DAB1: variants seen among roughly 807,000 people sequenced by gnomAD.
DAB1 encodes DAB adaptor protein 1.
A neutral mutation model predicts 64.6 loss-of-function variants in DAB1; 15 were observed. The observed-to-expected ratio is 0.23, with a 90% CI of 0.16 to 0.36. The LOEUF (loss-of-function observed/expected upper bound fraction) is 0.36, where lower values mean the gene tolerates loss of function less well. Among genes scored for constraint, DAB1 ranks in the 10% least tolerant of loss-of-function variants. The pLI is 1.00. For synonymous variants in DAB1, 235 were observed against 251.9 expected (o/e 0.93, Z 0.64); for missense variants, 596 against 706.7 (o/e 0.84, Z 1.78).
Position 58,127,775 on chromosome 1 carries a change from T to C in DAB1, n.387+22736A>G, listed in dbSNP as rs553107883. Among the ~76,000 whole-genome samples, 233 of 150,578 alleles carry C rather than the reference T, an allele frequency of 1.5e-3. 3 individuals are homozygous for C. The highest frequency in any genetic ancestry group is 5.5e-3 in the African/African-American group (223 of 40,688). Reference sequence around the variant, plus strand: ...GTCAAAGATCACATAGTTGTAGATATGCGGTGTTATTTCTGAGGGCTCTGT... The same window carrying C: ...GTCAAAGATCACATAGTTGTAGATACGCGGTGTTATTTCTGAGGGCTCTGT... On this transcript the variant is annotated intron_variant and non_coding_transcript_variant, in intron 5 of 20. Transcript: ENST00000485760.
chr1:58,480,413 C>G (rs1645461866), intron 3 of DAB1, among the ~76,000 whole-genome samples: 1 of 152,182 alleles, frequency 6.6e-6, no homozygotes, highest in Non-Finnish European at 1.5e-5. Flanking sequence ...GAACCACAAA[C>G]TGTACTTCTT....
chr1:58,372,687 C>A (rs191909239), intron 3 of DAB1, among the ~76,000 whole-genome samples: 270 of 152,284 alleles, frequency 1.8e-3, no homozygotes, highest in African/African-American at 6.4e-3. Flanking sequence ...GAGGGAGGAA[C>A]CTGGTGTGGG....
At chr1:57,447,593 G>T (rs193228285) in intron 7 of DAB1, among the ~76,000 whole-genome samples, 83 of 152,294 alleles carry the variant, frequency 5.4e-4, no homozygotes, top group South Asian at 1.9e-3. Flanking sequence ...AATTCCCAGA[G>T]AAAAATATTA....
At chr1:58,509,120 G>A (rs1646034037) in intron 2 of DAB1, among the ~76,000 whole-genome samples, 1 of 152,060 alleles carries the variant, frequency 6.6e-6, no homozygotes, top group Admixed American at 6.6e-5. Flanking sequence ...AGAGGTTGCT[G>A]TTTTTTCCTA....
chr1:58,365,459 G>T (rs1353652653), intron 3 of DAB1, among the ~76,000 whole-genome samples: 4 of 152,176 alleles, frequency 2.6e-5, no homozygotes, highest in Non-Finnish European at 5.9e-5. Context: ...TCCTTATGGG[G>T]CTTCATGTGT....
At chr1:58,369,929 G>A (rs184144469) in intron 3 of DAB1, among the ~76,000 whole-genome samples, 269 of 152,248 alleles carry the variant, frequency 1.8e-3, no homozygotes, top group African/African-American at 6.4e-3. Flanking sequence ...AAAAAATATG[G>A]GAAAACAGGT....
At chr1:58,393,412 G>A (rs1027985493) in intron 3 of DAB1, among the ~76,000 whole-genome samples, 1 of 152,146 alleles carries the variant, frequency 6.6e-6, no homozygotes, top group Non-Finnish European at 1.5e-5. Context: ...TAGGCATTAC[G>A]CTAAGAGTTT....
At chr1:58,436,865 C>G (rs998139021) in intron 3 of DAB1, among the ~76,000 whole-genome samples, 4 of 152,212 alleles carry the variant, frequency 2.6e-5, no homozygotes, top group Non-Finnish European at 5.9e-5. Context: ...ATACCCTAGT[C>G]AGACCAGAGG....
chr1:57,190,714 G>GCAC (rs994939331), intron 2 of DAB1, among the ~76,000 whole-genome samples: 5 of 151,936 alleles, frequency 3.3e-5, no homozygotes, highest in Non-Finnish European at 5.9e-5. Context: ...AGCATCCCCC[G>GCAC]CACCACCACC....
At chr1:57,105,269 G>A (rs911896629) in intron 4 of DAB1, among the ~76,000 whole-genome samples, 5 of 151,816 alleles carry the variant, frequency 3.3e-5, no homozygotes, top group African/African-American at 9.7e-5. Flanking sequence ...TTGGGGGTGG[G>A]GTGGTGTGAA....
chr1:57,740,553 G>T (rs1647936168), intron 6 of DAB1, among the ~76,000 whole-genome samples: 1 of 152,206 alleles, frequency 6.6e-6, no homozygotes, highest in Non-Finnish European at 1.5e-5. Flanking sequence ...TTACATAATG[G>T]TTAGGAGCAA....
chr1:57,352,404 C>T (rs1341649334), intron 1 of DAB1, among the ~76,000 whole-genome samples: 2 of 152,100 alleles, frequency 1.3e-5, no homozygotes, highest in Non-Finnish European at 2.9e-5. Context: ...ACTACTTTTA[C>T]CCAAAATATG....
intron 1 of DAB1, among the ~76,000 whole-genome samples, chr1:57,365,520 G>A (rs1487730131): frequency 1.3e-5 from 2 of 151,584 alleles, no homozygotes; most frequent in East Asian, 3.9e-4. Flanking sequence ...ATTTTAAAAG[G>A]AAGGACTGCT....
intron 2 of DAB1, among the ~76,000 whole-genome samples, chr1:57,288,782 G>A (rs1338957854): frequency 6.6e-6 from 1 of 151,754 alleles, no homozygotes; most frequent in African/African-American, 2.4e-5. Flanking sequence ...GGAAGGGAGG[G>A]GAAGAGAAGG....
intron 5 of DAB1, among the ~76,000 whole-genome samples, chr1:58,104,876 C>T (rs1019366583): frequency 6.6e-6 from 1 of 151,806 alleles, no homozygotes; most frequent in Non-Finnish European, 1.5e-5. Context: ...TTCTTGGTGT[C>T]GAATGGGATG....
chr1:57,212,105 A>T (rs1014540351), intron 2 of DAB1, among the ~76,000 whole-genome samples: 6 of 152,148 alleles, frequency 3.9e-5, no homozygotes, highest in African/African-American at 1.2e-4. Flanking sequence ...AGTGAGTAAG[A>T]TTTAACACTA....
At chr1:57,664,154 G>C (rs909405177) in intron 6 of DAB1, among the ~76,000 whole-genome samples, 1 of 152,124 alleles carries the variant, frequency 6.6e-6, no homozygotes, top group African/African-American at 2.4e-5. Context: ...CAAGGGTTTG[G>C]TACATGTAAG....
At chr1:58,068,873 A>C (rs1649043988) in intron 5 of DAB1, among the ~76,000 whole-genome samples, 1 of 152,078 alleles carries the variant, frequency 6.6e-6, no homozygotes, top group African/African-American at 2.4e-5. Context: ...GAAGAAAGGC[A>C]AACTGCACCT....
chr1:57,184,394 C>T lies in DAB1; in HGVS notation c.68-38965G>A, dbSNP rs144763615. On this transcript the variant is annotated intron_variant, in intron 2 of 14. Transcript: ENST00000371236. ...CCCTTCTCAGATTCATTCTTCTCCC[C>T]TCTGCAGCTGGCACATCATCTTGAA... Among the ~76,000 whole-genome samples, 5 of 152,270 alleles carry T rather than the reference C, an allele frequency of 3.3e-5. No individual in the cohort carries two copies. The East Asian group carries it at 9.6e-4, about 29-fold the overall frequency.
Sources: allele counts gnomAD v4.1 joint callset (sites outside exome capture counted in the v4.1 genomes callset), GRCh38; gene constraint gnomAD v4.1.1; transcripts MANE v1.5; gene names NCBI Gene and HGNC (gene_info 2026-07-23, HGNC 2026-07-21).